DCAF8L2: variants seen among roughly 807,000 people sequenced by gnomAD.
The protein encoded by DCAF8L2 is DDB1- and CUL4-associated factor 8-like protein 2.
For missense variants in DCAF8L2, 430 were observed against 490.7 expected (o/e 0.88, Z 1.17); for synonymous variants, 200 against 190.9 (o/e 1.05, Z -0.39).
the DCAF8L2 span, among the ~76,000 whole-genome samples, chrX:27,478,966 A>AC: frequency 9.9e-5 from 11 of 111,369 alleles, no homozygotes; most frequent in Non-Finnish European, 1.9e-4. Flanking sequence ...TTATTTGTGT[A>AC]TGGGCTTAAC....
chrX:27,598,781 G>C (rs775130680), intron 1 of DCAF8L2, among the ~76,000 whole-genome samples: 1 of 109,653 alleles, frequency 9.1e-6, no homozygotes, highest in East Asian at 2.8e-4. Flanking sequence ...TCCCATCTCT[G>C]ATTTATCCTG....
At chrX:27,604,502 T>G (rs1926788164) in intron 1 of DCAF8L2, among the ~76,000 whole-genome samples, 1 of 111,488 alleles carries the variant, frequency 9.0e-6, no homozygotes, top group South Asian at 3.8e-4. Flanking sequence ...TCTTCCACCT[T>G]ATTATATTCA....
chrX:27,532,685 C>T, the DCAF8L2 span, among the ~76,000 whole-genome samples: 2 of 109,803 alleles, frequency 1.8e-5, no homozygotes, highest in African/African-American at 6.6e-5. Context: ...ATTGCTTGAG[C>T]CCAGGAGTTC....
At chrX:27,571,907 G>C in the DCAF8L2 span, among the ~76,000 whole-genome samples, 8 of 111,191 alleles carry the variant, frequency 7.2e-5, no homozygotes, top group East Asian at 8.5e-4. Context: ...CCACACACCC[G>C]CTAAATAAGA....
intron 3 of DCAF8L2, among the ~76,000 whole-genome samples, chrX:27,688,836 C>CT (rs1930605166): frequency 9.0e-6 from 1 of 111,018 alleles, no homozygotes; most frequent in African/African-American, 3.3e-5. Context: ...ACATGGAGGT[C>CT]TTTTTTGTTT....
At chrX:27,596,226 T>C (rs1168422787) in intron 1 of DCAF8L2, among the ~76,000 whole-genome samples, 4 of 112,008 alleles carry the variant, frequency 3.6e-5, no homozygotes. Context: ...ATTTTCCTAC[T>C]GATTTTACTC....
At chrX:27,495,780 T>C in the DCAF8L2 span, among the ~76,000 whole-genome samples, 292 of 112,020 alleles carry the variant, frequency 2.6e-3, 1 homozygote, top group African/African-American at 9.0e-3. Context: ...ATTGTCAAAT[T>C]ATTTCTATAA....
the DCAF8L2 span, chrX:27,519,485 T>C: frequency 5.7e-5 from 59 of 1,037,388 alleles, no homozygotes; most frequent in East Asian, 1.8e-3. Flanking sequence ...GCTACTGAGT[T>C]GCAACACAAA....
At chrX:27,626,893 T>C (rs1216910967) in intron 1 of DCAF8L2, among the ~76,000 whole-genome samples, 9 of 111,675 alleles carry the variant, frequency 8.1e-5, no homozygotes. Context: ...GGACATAAAT[T>C]TGAATGTTAA....
the DCAF8L2 span, among the ~76,000 whole-genome samples, chrX:27,489,123 A>C: frequency 1.8e-5 from 2 of 109,339 alleles, no homozygotes; most frequent in Non-Finnish European, 3.8e-5. Context: ...TTTGAGACAG[A>C]GTCTCGTTCT....
chrX:27,498,393 T>A, the DCAF8L2 span, among the ~76,000 whole-genome samples: 1 of 112,537 alleles, frequency 8.9e-6, no homozygotes, highest in Non-Finnish European at 1.9e-5. Flanking sequence ...TATGAGGTGA[T>A]ATCTCATTGT....
At chrX:27,532,581 T>C in the DCAF8L2 span, among the ~76,000 whole-genome samples, 1 of 110,445 alleles carries the variant, frequency 9.1e-6, no homozygotes, top group East Asian at 2.9e-4. Context: ...TTGTTTCTGT[T>C]AGGAATTATA....
intron 2 of DCAF8L2, among the ~76,000 whole-genome samples, chrX:27,648,414 T>C (rs1360226380): frequency 3.7e-5 from 4 of 108,784 alleles, no homozygotes; most frequent in African/African-American, 1.3e-4. Context: ...TGTGAAAGAA[T>C]AGAGGCAGGG....
chrX:27,703,611 A>T (rs1027112563), intron 3 of DCAF8L2, among the ~76,000 whole-genome samples: 8 of 111,236 alleles, frequency 7.2e-5, no homozygotes, highest in African/African-American at 1.6e-4. Context: ...ATGACAATTC[A>T]ATAGACAAAT....
At chrX:27,664,496 T>C (rs1356305437) in intron 2 of DCAF8L2, among the ~76,000 whole-genome samples, 1 of 112,215 alleles carries the variant, frequency 8.9e-6, no homozygotes, top group Non-Finnish European at 1.9e-5. Flanking sequence ...CAACATGAAG[T>C]AGCAAGTGTT....
At chrX:27,584,315 TAC>T in the DCAF8L2 span, among the ~76,000 whole-genome samples, 26 of 110,266 alleles carry the variant, frequency 2.4e-4, no homozygotes, top group South Asian at 5.5e-3. Context: ...CACACACATA[TAC>T]ACACACCATT....
chrX:27,721,768 T>TA (rs777797675), intron 4 of DCAF8L2, among the ~76,000 whole-genome samples: 17 of 111,880 alleles, frequency 1.5e-4, no homozygotes, highest in East Asian at 2.8e-4. Context: ...CAGCCCTATG[T>TA]AAAAAATCTA....
At chrX:27,629,885 G>A (rs1928213534) in intron 1 of DCAF8L2, among the ~76,000 whole-genome samples, 1 of 111,646 alleles carries the variant, frequency 9.0e-6, no homozygotes. Context: ...CAATGACTCT[G>A]TAGGCCACTG....
intron 2 of DCAF8L2, among the ~76,000 whole-genome samples, chrX:27,663,163 C>T (rs1257943491): frequency 9.0e-6 from 1 of 111,534 alleles, no homozygotes; most frequent in Non-Finnish European, 1.9e-5. Flanking sequence ...CAGCAGTTCA[C>T]AATGGTATCC....
Sources: gnomAD v4.1 joint callset for allele counts (sites outside exome capture counted in the v4.1 genomes callset) on GRCh38, gnomAD v4.1.1 for gene constraint, MANE v1.5 for transcripts, NCBI Gene and HGNC (gene_info 2026-07-23, HGNC 2026-07-21) for gene names.